The following EPB41L2 variants were observed in gnomAD, a reference collection of about 807,000 sequenced individuals.
EPB41L2 encodes the protein erythrocyte membrane protein band 4.1 like 2.
EPB41L2 carries 43 observed loss-of-function variants against 113.0 expected under a neutral mutation model. The ratio of observed to expected loss-of-function variants is 0.38; its 90% CI spans 0.30 to 0.49. The LOEUF is 0.49. Ranked by LOEUF, EPB41L2 falls within the 20% of genes least tolerant of loss-of-function variation. The pLI, the probability that EPB41L2 is intolerant of heterozygous loss-of-function variation, is 0.95. For missense variants in EPB41L2, 1,147 were observed against 1,223.4 expected, an observed-to-expected ratio of 0.94 and a Z score of 0.93; for synonymous variants, 442 against 436.7, an observed-to-expected ratio of 1.01 and a Z score of -0.15.
chr6:130,969,460 T>TC (rs1372807465), intron 1 of EPB41L2, among the ~76,000 whole-genome samples: 6 of 152,148 alleles, frequency 3.9e-5, no homozygotes, highest in Admixed American at 6.5e-5. Context: ...GAAGATTTTT[T>TC]CCCAAGTCTG....
chr6:130,853,651 G>A (rs900917843), intron 19 of EPB41L2, among the ~76,000 whole-genome samples: 2 of 152,066 alleles, frequency 1.3e-5, no homozygotes, highest in Non-Finnish European at 2.9e-5. Context: ...TGGGAGGTTC[G>A]TCCTCTGCAG....
chr6:130,877,353 A>G (rs1324934221), intron 14 of EPB41L2, among the ~76,000 whole-genome samples: 3 of 152,348 alleles, frequency 2.0e-5, no homozygotes, highest in Admixed American at 2.0e-4. Context: ...CCGCTCAAGT[A>G]TGATAAACGA....
At chr6:131,030,949 C>G (rs1792032899) in intron 1 of EPB41L2, among the ~76,000 whole-genome samples, 2 of 151,678 alleles carry the variant, frequency 1.3e-5, no homozygotes, top group South Asian at 4.2e-4. Context: ...ATTAGCAAGG[C>G]ATGGCAGTGG....
chr6:130,904,443 TA>T (rs1310211070), intron 6 of EPB41L2, 21 bp downstream of exon 6: 2 of 1,534,072 alleles, frequency 1.3e-6, no homozygotes, highest in Admixed American at 3.5e-5. Context: ...AAGGTTCATT[TA>T]AAAATGCAAA....
intron 1 of EPB41L2, among the ~76,000 whole-genome samples, chr6:130,992,346 G>A (rs954866328): frequency 6.6e-6 from 1 of 152,100 alleles, no homozygotes; most frequent in Admixed American, 6.5e-5. Context: ...TTGACTGGCT[G>A]CCACTCAAGT....
At chr6:130,866,633 A>C (rs1562333340) in intron 16 of EPB41L2, among the ~76,000 whole-genome samples, 1 of 152,214 alleles carries the variant, frequency 6.6e-6, no homozygotes, top group Non-Finnish European at 1.5e-5. Context: ...GCATGCATTA[A>C]ACCTTTTAAA....
chr6:130,992,543 G>C (rs1200251906), intron 1 of EPB41L2, among the ~76,000 whole-genome samples: 1 of 152,000 alleles, frequency 6.6e-6, no homozygotes, highest in Non-Finnish European at 1.5e-5. Flanking sequence ...ACTCAATACA[G>C]CCATCATTCC....
At chr6:131,036,003 G>A (rs1203595459) in intron 1 of EPB41L2, among the ~76,000 whole-genome samples, 1 of 152,194 alleles carries the variant, frequency 6.6e-6, no homozygotes. Flanking sequence ...AGTGAACAGA[G>A]AGACATTAGT....
intron 1 of EPB41L2, among the ~76,000 whole-genome samples, chr6:131,004,787 C>A (rs964276810): frequency 6.6e-6 from 1 of 152,154 alleles, no homozygotes; most frequent in Non-Finnish European, 1.5e-5. Flanking sequence ...TCACCCAACT[C>A]CCCACTACAC....
chr6:130,988,025 A>G (rs1007243819), intron 1 of EPB41L2, among the ~76,000 whole-genome samples: 21 of 152,070 alleles, frequency 1.4e-4, no homozygotes, highest in African/African-American at 5.1e-4. Context: ...CTGAGGTGGA[A>G]AAGTTGCTTG....
In EPB41L2 at chr6:130,895,081, A is replaced by T. The variant is rs772082678; in HGVS notation, c.1275T>A (p.Ala425=). 1 of 1,613,602 alleles carries T rather than the reference A, an allele frequency of 6.2e-7. No homozygotes were observed. Among genetic ancestry groups the T allele is most frequent in the Non-Finnish European group, 8.5e-7 (1 of 1,179,674 alleles). Residue 425 remains alanine (A), a synonymous_variant, in exon 9 of 20, where the codon GCT becomes GCA. Coordinates refer to ENST00000337057, the MANE Select transcript of EPB41L2 (RefSeq NM_001431.4). ...TGTCTTTGTAAATGAGAAGTCCATT[A>T]GCACACACGCCCAGCTTGATGTCCA... ...EGVDIKLGVC[A]NGLLIYKDRL... is the part of the protein sequence containing the mutation.
chr6:130,888,479 GCA>G (rs1791758783), intron 11 of EPB41L2, among the ~76,000 whole-genome samples: 1 of 152,124 alleles, frequency 6.6e-6, no homozygotes, highest in Admixed American at 6.5e-5. Flanking sequence ...ATTTCCTTGA[GCA>G]CAGTTTGTAT....
chr6:130,930,317 A>C (rs1806393098), intron 3 of EPB41L2, among the ~76,000 whole-genome samples: 1 of 152,222 alleles, frequency 6.6e-6, no homozygotes, highest in Non-Finnish European at 1.5e-5. Context: ...TGAGGTAGGA[A>C]AGAATTACAG....
At chr6:130,979,492 C>CAAA (rs34912861) in intron 1 of EPB41L2, among the ~76,000 whole-genome samples, 56 of 85,284 alleles carry the variant, frequency 6.6e-4, no homozygotes, top group African/African-American at 2.1e-3. Flanking sequence ...GAGACTCTGT[C>CAAA]AAAAAAAAAA....
At position 130,890,377 on chromosome 6, in the gene EPB41L2, C is replaced by T. The variant is rs200008469; in HGVS notation, c.1577G>A (p.Arg526His). The T allele has an allele frequency of 3.2e-5, 51 of 1,612,434 alleles. No homozygotes were observed. The highest frequency in any genetic ancestry group is 1.2e-4 in the Admixed American group (7 of 59,766). ...RYSGRTQAQTRQASTLIDRPA... is the reference protein window; with the variant it reads ...RYSGRTQAQTHQASTLIDRPA... ...CCTATCTATGAGGGTGCTGGCCTGG[C>T]GGGTCTGTGCTTGGGTGCGGCCACT... Residue 526 changes from arginine to histidine, a missense_variant, in exon 11 of 20, where the codon CGC becomes CAC. Arg to His is a conservative substitution (Grantham distance 29). Transcript: ENST00000337057.
At chr6:130,943,645 G>A (rs1811662764) in intron 3 of EPB41L2, among the ~76,000 whole-genome samples, 1 of 152,174 alleles carries the variant, frequency 6.6e-6, no homozygotes, top group East Asian at 1.9e-4. Context: ...CAGTGATGCA[G>A]GGGCAAACAA....
chr6:130,899,781 T>C (rs1583232109), intron 7 of EPB41L2, among the ~76,000 whole-genome samples: 1 of 121,696 alleles, frequency 8.2e-6, no homozygotes, highest in African/African-American at 2.5e-5. Flanking sequence ...CCTGCTAAAC[T>C]GCATGGAGGT....
At chr6:130,959,919 T>C (rs936778250) in intron 1 of EPB41L2, among the ~76,000 whole-genome samples, 1 of 152,220 alleles carries the variant, frequency 6.6e-6, no homozygotes, top group Admixed American at 6.5e-5. Context: ...CTAAGGCTGA[T>C]TTTTGGCCAA....
At chr6:130,907,211 G>A (rs546441659) in intron 5 of EPB41L2, among the ~76,000 whole-genome samples, 1 of 152,308 alleles carries the variant, frequency 6.6e-6, no homozygotes, top group Admixed American at 6.5e-5. Flanking sequence ...TCTGGTTTCA[G>A]AGAAAGTGTA....
Sources: gnomAD v4.1 joint callset for allele counts (sites outside exome capture counted in the v4.1 genomes callset) on GRCh38, gnomAD v4.1.1 for gene constraint, MANE v1.5 for transcripts, NCBI Gene and HGNC (gene_info 2026-07-23, HGNC 2026-07-21) for gene names.